SLC25A29: variants seen among roughly 807,000 people sequenced by gnomAD.
SLC25A29 encodes mitochondrial basic amino acids transporter.
In SLC25A29, 13 loss-of-function variants were observed where a neutral mutation model predicts 10.0. The ratio of observed to expected loss-of-function variants is 1.30; its 90% CI spans 0.85 to 2.07. The LOEUF (loss-of-function observed/expected upper bound fraction) is 2.07. Ranked by LOEUF, SLC25A29 falls within the 30% of genes most tolerant of loss-of-function variation. SLC25A29 has a pLI of 0.00. For missense variants in SLC25A29, 475 were observed against 447.6 expected (o/e 1.06, Z -0.55); for synonymous variants, 244 against 221.1 (o/e 1.10, Z -0.92).
chr14:100,305,519 C>T (rs952011680), intron 1 of SLC25A29: 15 of 152,448 alleles, frequency 9.8e-5, no homozygotes, highest in African/African-American at 3.6e-4. Flanking sequence ...ATGGGAGAGC[C>T]TGGACTGCAC....
chr14:100,304,942 A>T (rs901989920), intron 1 of SLC25A29: 3 of 152,142 alleles, frequency 2.0e-5, no homozygotes, highest in African/African-American at 7.2e-5. Flanking sequence ...CACCCGCTGG[A>T]GCTGATAGTG....
At chr14:100,299,854 T>C (rs1331950463) in intron 1 of SLC25A29, 54 of 985,386 alleles carry the variant, frequency 5.5e-5, no homozygotes, top group Non-Finnish European at 6.3e-5. Context: ...AGCTGGCATC[T>C]GCTGAGTAAC....
At chr14:100,300,965 T>A (rs979307976) in intron 1 of SLC25A29, among the ~76,000 whole-genome samples, 1 of 152,162 alleles carries the variant, frequency 6.6e-6, no homozygotes. Context: ...AGTGTTGCGG[T>A]CTCGGCTCAC....
At chr14:100,280,505 CATTT>C in the SLC25A29 span, 1 of 152,124 alleles carries the variant, frequency 6.6e-6, no homozygotes, top group South Asian at 2.1e-4. Flanking sequence ...CCCAGAGTGA[CATTT>C]ATTTTCCAAG....
chr14:100,296,498 G>A (rs1892159175), intron 2 of SLC25A29: 1 of 164,534 alleles, frequency 6.1e-6, no homozygotes, highest in Non-Finnish European at 1.3e-5. Context: ...GGAGCAGGAG[G>A]GAAGACTTCC....
At chr14:100,282,882 TC>T in the SLC25A29 span, 1 of 152,200 alleles carries the variant, frequency 6.6e-6, no homozygotes, top group Non-Finnish European at 1.5e-5. Context: ...CCCTTCCTGG[TC>T]TAAGAGTTGC....
At chr14:100,295,922 T>G in intron 2 of SLC25A29, 1 of 1,289,790 alleles carries the variant, frequency 7.8e-7, no homozygotes, top group African/African-American at 1.5e-5. Context: ...GGCCGTGTGC[T>G]TCAGGACGGT....
intron 1 of SLC25A29, 103 bp from the exon 2 acceptor site, chr14:100,298,988 G>T (rs1272775240): frequency 1.3e-6 from 2 of 1,533,112 alleles, no homozygotes; most frequent in South Asian, 2.5e-5. Context: ...AGGAGCTGCT[G>T]CCGGGGAAAG....
rs1271551942 is a variant in SLC25A29 at position 100,293,329 on chromosome 14, A to G, written c.127T>C (p.Leu43=). 2 of 1,613,268 alleles carry G rather than the reference A, an allele frequency of 1.2e-6. No individual in the cohort carries two copies. The highest frequency in any genetic ancestry group is 1.7e-5 in the Admixed American group (1 of 59,990). The change falls in exon 3 of 4, where the codon TTG becomes CTG. Residue 43 remains leucine (L), a synonymous_variant. Transcript: ENST00000359232. ...TTGATGATGGACTTGAAGCAGTGCA[A>G]CGTCCCGCGGTACTGAGGCTTCTCC... is the stretch of plus-strand genomic sequence containing the variant. The part of the protein sequence containing the change: ...SVEKPQYRGT[L]HCFKSIIKQE...
At chr14:100,300,042 G>T (rs1156807042) in intron 1 of SLC25A29, 1 of 835,734 alleles carries the variant, frequency 1.2e-6, no homozygotes, top group Non-Finnish European at 1.4e-6. Context: ...AGGCCAAGGT[G>T]GGCAGATCAC....
rs1595379718 is a variant in SLC25A29, at chr14:100,306,363, C to G, written c.-131G>C. On this transcript the variant is annotated 5_prime_UTR_variant, in exon 1 of 4. Coordinates refer to ENST00000359232, the MANE Select transcript of SLC25A29 (RefSeq NM_001039355.3). The stretch of plus-strand genomic sequence containing the variant: ...CCTGGCCGCTCCTCCTGGCGCGGAG[C>G]CCGGGCAGGCGCGGTCAGGGATGGT... 2.2e-6 allele frequency: 2 copies of G among 925,846 alleles called. No homozygotes were observed. Among genetic ancestry groups the G allele is most frequent in the Non-Finnish European group, 2.8e-6 (2 of 711,534 alleles). The allele number at this position is 925,846 out of a possible 1,614,324, so 57.4% of individuals were successfully genotyped here.
At chr14:100,279,169 ATACTT>A in the SLC25A29 span, 5 of 152,358 alleles carry the variant, frequency 3.3e-5, no homozygotes, top group Admixed American at 6.5e-5. Flanking sequence ...AGACTTGAGA[ATACTT>A]TATAAACTGC....
chr14:100,300,954 T>A (rs1892500539), intron 1 of SLC25A29, among the ~76,000 whole-genome samples: 1 of 151,908 alleles, frequency 6.6e-6, no homozygotes, highest in Non-Finnish European at 1.5e-5. Context: ...GGCTGGAGTG[T>A]AGTGTTGCGG....
At chr14:100,286,086 C>T in the SLC25A29 span, among the ~76,000 whole-genome samples, 5 of 152,316 alleles carry the variant, frequency 3.3e-5, no homozygotes, top group South Asian at 1.0e-3. Flanking sequence ...CCGCTTCACC[C>T]TCTGCCCCCA....
chr14:100,298,044 G>C (rs1892287823), intron 2 of SLC25A29: 1 of 153,004 alleles, frequency 6.5e-6, no homozygotes, highest in African/African-American at 2.4e-5. Flanking sequence ...CACCAGAAAA[G>C]GAGACTGGAA....
the SLC25A29 span, chr14:100,280,010 C>G: frequency 6.6e-6 from 1 of 152,280 alleles, no homozygotes; most frequent in Non-Finnish European, 1.5e-5. Flanking sequence ...CTCCCCTTGA[C>G]TCTCTCTGTT....
the SLC25A29 span, chr14:100,279,289 G>A: frequency 1.3e-5 from 2 of 152,178 alleles, no homozygotes; most frequent in South Asian, 4.1e-4. Flanking sequence ...GCTAATATCC[G>A]AGATTTATTT....
the SLC25A29 span, chr14:100,282,519 G>A: frequency 6.6e-6 from 1 of 152,096 alleles, no homozygotes; most frequent in African/African-American, 2.4e-5. Context: ...GTTTTTATTC[G>A]CTTTCTGGTA....
chr14:100,287,240 G>T (rs868719268), downstream of SLC25A29, among the ~76,000 whole-genome samples: 1 of 152,282 alleles, frequency 6.6e-6, no homozygotes. Context: ...GGAAGGGGAA[G>T]TCTGTGTGTG....
Sources: allele counts gnomAD v4.1 joint callset (sites outside exome capture counted in the v4.1 genomes callset), GRCh38; gene constraint gnomAD v4.1.1; transcripts MANE v1.5; gene names NCBI Gene and HGNC (gene_info 2026-07-23, HGNC 2026-07-21).